FAM83D: variants seen among roughly 807,000 people sequenced by gnomAD.
FAM83D encodes the protein scaffolding CK1 anchoring protein D.
FAM83D carries 26 observed loss-of-function variants against 25.4 expected under a neutral mutation model. The observed-to-expected ratio is 1.02, with a 90% CI of 0.75 to 1.42. The LOEUF is 1.42. FAM83D is among the 40% of genes most tolerant of loss of function. The pLI, the probability that FAM83D is intolerant of heterozygous loss-of-function variation, is 0.00. For synonymous variants in FAM83D, 310 were observed against 318.5 expected, an observed-to-expected ratio of 0.97 and a Z score of 0.28; for missense variants, 740 against 758.1, an observed-to-expected ratio of 0.98 and a Z score of 0.28.
chr20:38,927,795 G>A (rs1387445816), intron 1 of FAM83D, among the ~76,000 whole-genome samples: 1 of 151,576 alleles, frequency 6.6e-6, no homozygotes, highest in African/African-American at 2.4e-5. Context: ...CACCGCACCC[G>A]GCCCCCTGCC....
intron 1 of FAM83D, 41 bp from the exon 2 acceptor site, chr20:38,941,918 C>A: frequency 6.2e-7 from 1 of 1,607,444 alleles, no homozygotes; most frequent in South Asian, 1.1e-5. Context: ...AAGGTGGTGT[C>A]CTATAAGCTT....
rs148432289 is a variant in FAM83D, at chr20:38,941,346, A to T, written c.484-613A>T. Among the ~76,000 whole-genome samples the T allele has an allele frequency of 3.9e-3, 599 of 152,302 alleles. 3 individuals carry two copies. Among genetic ancestry groups the T allele is most frequent in the African/African-American group, 0.014 (575 of 41,562 alleles). ...GTGTTAGGGAGGCAGAAGAAGGGAG[A>T]ATCCATGGGCCTGCTTCGATTGCTT... On this transcript the variant is annotated intron_variant, in intron 1 of 3. Transcript: ENST00000619850.
intron 1 of FAM83D, among the ~76,000 whole-genome samples, chr20:38,937,593 G>A (rs2085684274): frequency 6.6e-6 from 1 of 152,180 alleles, no homozygotes; most frequent in South Asian, 2.1e-4. Flanking sequence ...CAGGAATGGG[G>A]GATGGGGATG....
intron 3 of FAM83D, among the ~76,000 whole-genome samples, chr20:38,950,760 C>G (rs1298587685): frequency 2.2e-4 from 33 of 151,828 alleles, no homozygotes; most frequent in Admixed American, 2.2e-3. Context: ...GTTTTCTTAC[C>G]TTTAAAATGG....
At chr20:38,943,669 A>G (rs1460591260) in intron 2 of FAM83D, among the ~76,000 whole-genome samples, 2 of 152,162 alleles carry the variant, frequency 1.3e-5, no homozygotes, top group East Asian at 3.8e-4. Flanking sequence ...TGTCATATTT[A>G]TTACAGAATT....
chr20:38,929,217 T>C (rs1047726405), intron 1 of FAM83D, among the ~76,000 whole-genome samples: 1 of 151,254 alleles, frequency 6.6e-6, no homozygotes, highest in African/African-American at 2.4e-5. Context: ...GTATTTTCAG[T>C]GTGTCCGATA....
rs949041868 is a variant in FAM83D, at chr20:38,952,695, T to C, written c.*175T>C. On this transcript the variant is annotated 3_prime_UTR_variant, in exon 4 of 4. Coordinates refer to ENST00000619850, the MANE Select transcript of FAM83D (RefSeq NM_030919.3). ...ATTTTACATGCTTTGTTTTGTCATG[T>C]ATATACCAGGTATTGGTTTTATGGT... is the stretch of plus-strand genomic sequence containing the variant. 1.4e-6 allele frequency: 1 copy of C among 738,726 alleles called. No homozygotes were observed. Among genetic ancestry groups the C allele is most frequent in the Non-Finnish European group, 2.2e-6 (1 of 459,858 alleles). The allele number at this position is 738,726 out of a possible 1,614,324, so 45.8% of individuals were successfully genotyped here.
intron 1 of FAM83D, among the ~76,000 whole-genome samples, chr20:38,927,586 T>TC (rs1292240410): frequency 6.9e-6 from 1 of 144,684 alleles, no homozygotes; most frequent in African/African-American, 2.6e-5. Flanking sequence ...GCAACCTCCG[T>TC]CCCCCGGGTT....
intron 1 of FAM83D, among the ~76,000 whole-genome samples, chr20:38,937,104 GCCC>G (rs1439177277): frequency 6.6e-6 from 1 of 152,226 alleles, no homozygotes; most frequent in African/African-American, 2.4e-5. Flanking sequence ...CGGCCATTAT[GCCC>G]CTGACCAGCT....
chr20:38,951,754 G>A lies in FAM83D; in HGVS notation c.992G>A (p.Arg331Gln), dbSNP rs373299326. The A allele has an allele frequency of 1.2e-5, 19 of 1,614,070 alleles. No homozygotes were observed. The highest frequency in any genetic ancestry group is 9.3e-5 in the African/African-American group (7 of 74,920). Residue 331 changes from arginine to glutamine, a missense_variant, in exon 4 of 4, where the codon CGG becomes CAG. This residue lies in a region of FAM83D where 375 missense variants were observed against 403.2 expected (regional missense o/e 0.93). Transcript: ENST00000619850. The stretch of plus-strand genomic sequence containing the variant: ...GAGCTCACCCTGGGCAACCTGCTGC[G>A]GATGCGGCTGGCTAGGCTGTCAAGT... The part of the protein sequence containing the change: ...SKELTLGNLL[R>Q]MRLARLSSTP...
In FAM83D at chr20:38,926,532, G is replaced by A; in HGVS notation, c.90G>A (p.Glu30=). ...CCAACCCGACCGAGCTGTTCAGCGAGTCACGGCGCCTGGCTCTGGAGGAGC... is the reference window on the plus strand; with the variant it reads ...CCAACCCGACCGAGCTGTTCAGCGAATCACGGCGCCTGGCTCTGGAGGAGC... ...GPPNPTELFS[E]SRRLALEELV... is the part of the protein sequence containing the mutation. Residue 30 remains glutamate (E), a synonymous_variant, in exon 1 of 4, where the codon GAG becomes GAA. Coordinates refer to ENST00000619850, the MANE Select transcript of FAM83D (RefSeq NM_030919.3). The A allele has an allele frequency of 1.3e-6, 2 of 1,589,880 alleles. No individual in the cohort carries two copies. The highest frequency in any genetic ancestry group is 1.7e-6 in the Non-Finnish European group (2 of 1,174,984).
rs768451910 is a variant in FAM83D at position 38,941,968 on chromosome 20, G to A, written c.493G>A (p.Val165Met). 1.2e-6 allele frequency: 2 copies of A among 1,613,930 alleles called. No homozygotes were observed. The highest frequency in any genetic ancestry group is 8.5e-7 in the Non-Finnish European group (1 of 1,180,034). Residue 165 changes from valine (V) to methionine (M), a missense_variant, in exon 2 of 4, where the codon GTG (valine) becomes ATG (methionine). Coordinates refer to ENST00000619850, the MANE Select transcript of FAM83D (RefSeq NM_030919.3). ...CCTGTTTCACCTGTAGGTGATTGCA[G>A]TGGTCATGGACGTGTTCACAGACAT... ...QLRSAREVIA[V>M]VMDVFTDIDI...
intron 1 of FAM83D, among the ~76,000 whole-genome samples, chr20:38,940,818 A>G (rs1422587616): frequency 3.3e-5 from 5 of 152,238 alleles, no homozygotes; most frequent in African/African-American, 1.2e-4. Flanking sequence ...GAGGAAAGCT[A>G]GGCGGTGTCT....
chr20:38,945,487 C>T (rs1315954704), intron 2 of FAM83D, among the ~76,000 whole-genome samples: 4 of 152,056 alleles, frequency 2.6e-5, no homozygotes, highest in Non-Finnish European at 4.4e-5. Context: ...CACCCAAGTT[C>T]TCCACATGTT....
chr20:38,947,766 A>C, intron 2 of FAM83D, 110 bp from the exon 3 acceptor site: 1 of 1,332,250 alleles, frequency 7.5e-7, no homozygotes, highest in Non-Finnish European at 1.0e-6. Flanking sequence ...CGCATATGCC[A>C]ATAATTATAT....
intron 1 of FAM83D, among the ~76,000 whole-genome samples, chr20:38,938,356 C>G (rs924831245): frequency 6.6e-6 from 1 of 152,168 alleles, no homozygotes; most frequent in African/African-American, 2.4e-5. Context: ...GTCCTTTGGC[C>G]CGTCACACTC....
intron 2 of FAM83D, among the ~76,000 whole-genome samples, chr20:38,942,600 A>G (rs2085707773): frequency 6.6e-6 from 1 of 152,228 alleles, no homozygotes; most frequent in South Asian, 2.1e-4. Context: ...AGGGAAATCT[A>G]TAGAGACATT....
intron 1 of FAM83D, 64 bp from the exon 2 acceptor site, chr20:38,941,893 CAG>C: frequency 6.6e-7 from 1 of 1,521,914 alleles, no homozygotes; most frequent in Non-Finnish European, 9.1e-7. Context: ...GTCCAGAGTC[CAG>C]AGAGCGTGCT....
Position 38,951,924 on chromosome 20 carries a change from G to A in FAM83D, c.1162G>A (p.Asp388Asn). ...RDELQSRKAI[D>N]AATQTEPGEE... The stretch of plus-strand genomic sequence containing the variant: ...CGAGCTCCAGAGCAGAAAGGCCATT[G>A]ACGCTGCCACTCAAACAGAGCCAGG... Residue 388 changes from aspartate (D) to asparagine (N), a missense_variant, in exon 4 of 4, where the codon GAC becomes AAC. Asp to Asn is a conservative substitution (Grantham distance 23). Coordinates refer to ENST00000619850, the MANE Select transcript of FAM83D (RefSeq NM_030919.3). The A allele has an allele frequency of 1.2e-6, 2 of 1,614,168 alleles. No individual in the cohort carries two copies. The highest frequency in any genetic ancestry group is 8.5e-7 in the Non-Finnish European group (1 of 1,180,032).
Sources: gnomAD v4.1 joint callset for allele counts (sites outside exome capture counted in the v4.1 genomes callset) on GRCh38, gnomAD v4.1.1 for gene constraint, gnomAD v4.1.1 regional missense constraint, MANE v1.5 for transcripts, NCBI Gene and HGNC (gene_info 2026-07-23, HGNC 2026-07-21) for gene names.